NEXMIF: variants seen among roughly 807,000 people sequenced by gnomAD.
The protein encoded by NEXMIF is neurite extension and migration factor.
Under a neutral mutation model 62.1 loss-of-function variants are expected in NEXMIF, and 8 were observed. The ratio of observed to expected loss-of-function variants is 0.13; its 90% CI spans 0.08 to 0.23. The LOEUF is 0.23. Among genes scored for constraint, NEXMIF ranks in the 10% least tolerant of loss-of-function variants. The pLI is 1.00. For missense variants in NEXMIF, 976 were observed against 1,113.3 expected (o/e 0.88, Z 1.75); for synonymous variants, 404 against 416.6 (o/e 0.97, Z 0.37).
chrX:74,866,430 ACTTGT>A lies in NEXMIF; in HGVS notation c.-48+58448_-48+58452del, dbSNP rs750601194. Among the ~76,000 whole-genome samples, 268 of 111,779 alleles carry A rather than the reference ACTTGT, an allele frequency of 2.4e-3. 4 individuals are homozygous for A. Among genetic ancestry groups the A allele is most frequent in the African/African-American group, 8.3e-3 (254 of 30,626 alleles). ...TTTTACAGGCTCATAGGTGGAAGGG[ACTTGT>A]CTTGTCTCAGATGAGACTTTGGACT... On this transcript the variant is annotated intron_variant, in intron 1 of 3. Transcript: ENST00000055682.
At chrX:74,739,622 A>G (rs2080095456) in intron 3 of NEXMIF, 124 bp from the exon 4 acceptor site, 2 of 445,724 alleles carry the variant, frequency 4.5e-6, no homozygotes, top group East Asian at 8.4e-5. Flanking sequence ...AAAAGATACA[A>G]ATAGCATGGG....
chrX:74,750,553 T>G (rs774184438), intron 1 of NEXMIF, among the ~76,000 whole-genome samples: 1 of 112,034 alleles, frequency 8.9e-6, no homozygotes, highest in Non-Finnish European at 1.9e-5. Context: ...GGTACTGCTA[T>G]AGCAAATAGG....
chrX:74,805,692 C>T (rs745522756), intron 1 of NEXMIF, among the ~76,000 whole-genome samples: 2 of 111,735 alleles, frequency 1.8e-5, no homozygotes, highest in East Asian at 5.6e-4. Flanking sequence ...CAGTTTCATT[C>T]TTCTGCATGT....
intron 1 of NEXMIF, among the ~76,000 whole-genome samples, chrX:74,806,364 TCATGCAACATACC>T (rs1199559977): frequency 1.6e-4 from 18 of 111,268 alleles, no homozygotes; most frequent in Non-Finnish European, 3.0e-4. Flanking sequence ...AACCTCAGCA[TCATGCAACATACC>T]CATGTAACAA....
intron 1 of NEXMIF, among the ~76,000 whole-genome samples, chrX:74,785,080 TCTGA>T (rs1427101952): frequency 4.5e-5 from 5 of 111,497 alleles, no homozygotes; most frequent in Non-Finnish European, 5.6e-5. Flanking sequence ...TCCTCCGGTC[TCTGA>T]CTGATGTACG....
intron 1 of NEXMIF, among the ~76,000 whole-genome samples, chrX:74,890,898 G>A (rs368983984): frequency 7.2e-5 from 8 of 111,376 alleles, no homozygotes; most frequent in African/African-American, 2.0e-4. Context: ...GCATCCTGCA[G>A]TAGACATGCT....
chrX:74,791,546 G>T (rs1449185248), intron 1 of NEXMIF, among the ~76,000 whole-genome samples: 1 of 111,669 alleles, frequency 9.0e-6, no homozygotes, highest in African/African-American at 3.3e-5. Context: ...AGTTTCAGAA[G>T]GAATGGTACC....
intron 1 of NEXMIF, among the ~76,000 whole-genome samples, chrX:74,796,243 T>TACATATATTATATATATATATAC (rs1556024094): frequency 2.7e-5 from 1 of 36,994 alleles, no homozygotes; most frequent in Non-Finnish European, 5.8e-5. Context: ...TATATATATA[T>TACATATATTATATATATATATAC]ACACATATAT....
chrX:74,880,253 G>C (rs2080657541), intron 1 of NEXMIF, among the ~76,000 whole-genome samples: 1 of 111,986 alleles, frequency 8.9e-6, no homozygotes, highest in Non-Finnish European at 1.9e-5. Flanking sequence ...AAAGTCAGAG[G>C]GATGAGCAAA....
intron 1 of NEXMIF, among the ~76,000 whole-genome samples, chrX:74,777,132 C>A (rs2080231160): frequency 9.0e-6 from 1 of 111,574 alleles, no homozygotes; most frequent in African/African-American, 3.3e-5. Context: ...ATACATTTAA[C>A]CCTTACAAAA....
chrX:74,885,139 T>C (rs1403933732), intron 1 of NEXMIF, among the ~76,000 whole-genome samples: 1 of 109,786 alleles, frequency 9.1e-6, no homozygotes, highest in African/African-American at 3.3e-5. Context: ...TGGGACACAT[T>C]CAAAGCAGTG....
At chrX:74,818,648 G>T (rs776994013) in intron 1 of NEXMIF, among the ~76,000 whole-genome samples, 6 of 112,091 alleles carry the variant, frequency 5.4e-5, no homozygotes, top group East Asian at 2.8e-4. Context: ...CACAGCAAAA[G>T]AAACTATTAA....
In NEXMIF at chrX:74,885,829, G is replaced by A. The variant is rs965204102; in HGVS notation, c.-48+39054C>T. ...CAGCATCATCCTGATACCAAAGCCG[G>A]GCAGAGACACAACAAAAAAAGAGAA... On this transcript the variant is annotated intron_variant, in intron 1 of 3. Coordinates refer to ENST00000055682, the MANE Select transcript of NEXMIF (RefSeq NM_001008537.3). Among the ~76,000 whole-genome samples, 5 of 111,034 alleles carry A rather than the reference G, an allele frequency of 4.5e-5. No individual in the cohort carries two copies. The Admixed American group carries it at 4.8e-4, about 11-fold the overall frequency.
At chrX:74,791,459 C>G (rs1235264981) in intron 1 of NEXMIF, among the ~76,000 whole-genome samples, 40 of 110,984 alleles carry the variant, frequency 3.6e-4, no homozygotes, top group Non-Finnish European at 6.6e-4. Context: ...GTGTCTCTGC[C>G]TGGCTTTGGT....
At chrX:74,769,607 G>A (rs746982949) in intron 1 of NEXMIF, 3 of 554,955 alleles carry the variant, frequency 5.4e-6, no homozygotes, top group Non-Finnish European at 9.4e-6. Flanking sequence ...CTGCTGCAAT[G>A]TGTCTGATGG....
At chrX:74,899,179 C>A (rs1291842558) in intron 1 of NEXMIF, among the ~76,000 whole-genome samples, 1 of 111,399 alleles carries the variant, frequency 9.0e-6, no homozygotes. Context: ...ACAAGGACGC[C>A]CACTCTCACT....
chrX:74,782,005 C>T (rs138346859), intron 1 of NEXMIF, among the ~76,000 whole-genome samples: 9 of 112,258 alleles, frequency 8.0e-5, no homozygotes, highest in African/African-American at 2.6e-4. Flanking sequence ...ATATAGGGAA[C>T]TAACCAGATG....
At chrX:74,916,031 T>C (rs1002580467) in intron 1 of NEXMIF, among the ~76,000 whole-genome samples, 5 of 111,905 alleles carry the variant, frequency 4.5e-5, no homozygotes, top group Admixed American at 2.9e-4. Flanking sequence ...CAAATAGGGG[T>C]TAAAAATCAA....
Position 74,743,864 on chromosome X carries a change from A to G in NEXMIF, c.693T>C (p.Ala231=), listed in dbSNP as rs766447352. Residue 231 remains alanine (A), a synonymous_variant, in exon 3 of 4, where the codon GCT becomes GCC. Transcript: ENST00000055682. ...EKPDIDLEDP[A]QKSYYEALLL... is the part of the protein sequence containing the mutation. ...GTAATGCCTCATAATAGCTTTTCTG[A>G]GCCGGATCCTCCAAGTCAATGTCAG... 3.3e-6 allele frequency: 4 copies of G among 1,211,586 alleles called. No individual in the cohort carries two copies. In the Admixed American group the frequency reaches 8.7e-5, roughly 26 times the overall value.
Sources: allele counts gnomAD v4.1 joint callset (sites outside exome capture counted in the v4.1 genomes callset), GRCh38; gene constraint gnomAD v4.1.1; transcripts MANE v1.5; gene names NCBI Gene and HGNC (gene_info 2026-07-23, HGNC 2026-07-21).